The following RALGPS1 variants were observed in gnomAD, a reference collection of about 807,000 sequenced individuals.
The protein encoded by RALGPS1 is ras-specific guanine nucleotide-releasing factor RalGPS1.
RALGPS1 carries 19 observed loss-of-function variants against 78.8 expected under a neutral mutation model. That is an observed-to-expected ratio of 0.24 (90% CI 0.17 to 0.35). The LOEUF (loss-of-function observed/expected upper bound fraction) is 0.35. Among genes scored for constraint, RALGPS1 ranks in the 10% least tolerant of loss-of-function variants. The probability of loss-of-function intolerance (pLI) is 1.00; values close to 1 mark genes in which losing one functional copy is unlikely to be tolerated. For synonymous variants in RALGPS1, 228 were observed against 256.3 expected, an observed-to-expected ratio of 0.89 and a Z score of 1.06; for missense variants, 454 against 688.3, an observed-to-expected ratio of 0.66 and a Z score of 3.81.
At chr9:127,136,682 A>G (rs983125636) in intron 8 of RALGPS1, among the ~76,000 whole-genome samples, 1 of 152,102 alleles carries the variant, frequency 6.6e-6, no homozygotes, top group Non-Finnish European at 1.5e-5. Flanking sequence ...CCACACTTGC[A>G]AGCTCTCCCC....
intron 8 of RALGPS1, among the ~76,000 whole-genome samples, chr9:127,096,778 C>G (rs571491753): frequency 1.3e-5 from 2 of 152,204 alleles, no homozygotes; most frequent in South Asian, 2.1e-4. Flanking sequence ...CCCAAAGTCC[C>G]AGGTTATAAA....
At chr9:126,960,057 G>A (rs2038727353) in intron 1 of RALGPS1, among the ~76,000 whole-genome samples, 1 of 152,164 alleles carries the variant, frequency 6.6e-6, no homozygotes, top group Admixed American at 6.5e-5. Context: ...TTTGAGGGAT[G>A]AGAGAAGAGT....
At chr9:127,103,714 TCTAC>T (rs1331106402) in intron 8 of RALGPS1, among the ~76,000 whole-genome samples, 5 of 152,154 alleles carry the variant, frequency 3.3e-5, no homozygotes, top group Non-Finnish European at 7.3e-5. Context: ...TAATAACAAA[TCTAC>T]CACCTTTGTT....
intron 1 of RALGPS1, among the ~76,000 whole-genome samples, chr9:126,925,490 G>A (rs2035181766): frequency 6.6e-6 from 1 of 151,988 alleles, no homozygotes; most frequent in African/African-American, 2.4e-5. Flanking sequence ...AGAGGTTGCA[G>A]TGAGCTGAGA....
chr9:127,170,157 T>C (rs1456415041), intron 10 of RALGPS1, among the ~76,000 whole-genome samples: 1 of 152,174 alleles, frequency 6.6e-6, no homozygotes, highest in East Asian at 1.9e-4. Flanking sequence ...TAGAGAACTG[T>C]AGCCACAGAG....
chr9:127,221,325 A>G lies in RALGPS1; in HGVS notation c.*2556A>G, dbSNP rs553040469. ...GACTGTCCAGAGTGTACAAATGTTC[A>G]TAACGCCATTGAAGGGATTATTTCT... On this transcript the variant is annotated 3_prime_UTR_variant, in exon 19 of 19. Coordinates refer to ENST00000259351, the MANE Select transcript of RALGPS1 (RefSeq NM_014636.3). 2.6e-5 allele frequency: 4 copies of G among 152,368 alleles called. No individual in the cohort carries two copies. The highest frequency in any genetic ancestry group is 9.6e-5 in the African/African-American group (4 of 41,590). 9.4% of individuals were successfully genotyped at this position (152,368 alleles called of 1,614,324 possible). A position where few individuals can be genotyped will look rare whatever the true frequency, so the allele number is the denominator to read the frequency against.
chr9:127,083,096 C>G (rs2051340660), intron 8 of RALGPS1, among the ~76,000 whole-genome samples: 1 of 152,164 alleles, frequency 6.6e-6, no homozygotes, highest in Non-Finnish European at 1.5e-5. Context: ...AAAATATGGT[C>G]CTGGAGAGGA....
chr9:127,130,655 A>C (rs1235492185), intron 8 of RALGPS1, among the ~76,000 whole-genome samples: 1 of 152,262 alleles, frequency 6.6e-6, no homozygotes, highest in Non-Finnish European at 1.5e-5. Flanking sequence ...ATTGACATCC[A>C]AAAATAATTC....
At chr9:126,986,233 A>T (rs2041788531) in intron 4 of RALGPS1, among the ~76,000 whole-genome samples, 1 of 152,216 alleles carries the variant, frequency 6.6e-6, no homozygotes, top group South Asian at 2.1e-4. Flanking sequence ...GGAAGTTACA[A>T]ATATGGAACC....
At chr9:127,133,816 C>G (rs964735782) in intron 8 of RALGPS1, among the ~76,000 whole-genome samples, 2 of 152,052 alleles carry the variant, frequency 1.3e-5, no homozygotes, top group African/African-American at 4.8e-5. Flanking sequence ...GCTGACACCC[C>G]AGACACTCGG....
At chr9:126,932,412 A>G (rs1468129702) in intron 1 of RALGPS1, among the ~76,000 whole-genome samples, 2 of 152,208 alleles carry the variant, frequency 1.3e-5, no homozygotes, top group Non-Finnish European at 2.9e-5. Context: ...GACAGACACA[A>G]AGAAATACAT....
intron 3 of RALGPS1, 114 bp from the exon 4 acceptor site, chr9:126,977,581 T>A (rs939112475): frequency 1.6e-6 from 1 of 630,950 alleles, no homozygotes; most frequent in Non-Finnish European, 2.5e-6. Context: ...GTCTTGTTTT[T>A]TATCTCAAAG....
chr9:127,121,791 T>C (rs1486706561), intron 8 of RALGPS1, among the ~76,000 whole-genome samples: 2 of 152,084 alleles, frequency 1.3e-5, no homozygotes, highest in Non-Finnish European at 2.9e-5. Context: ...AGCTGGAGGG[T>C]GTGAGCAGAG....
intron 8 of RALGPS1, among the ~76,000 whole-genome samples, chr9:127,162,844 C>T (rs1397679806): frequency 6.6e-6 from 1 of 152,206 alleles, no homozygotes; most frequent in East Asian, 1.9e-4. Context: ...GAAAAGGCAA[C>T]TCCCTCTGTG....
intron 5 of RALGPS1, among the ~76,000 whole-genome samples, chr9:127,049,044 T>G (rs1232470675): frequency 6.6e-6 from 1 of 152,254 alleles, no homozygotes; most frequent in Admixed American, 6.5e-5. Context: ...TTATTAGCTC[T>G]GGAATATCCT....
chr9:127,015,958 T>C (rs1457002797), intron 4 of RALGPS1, among the ~76,000 whole-genome samples: 1 of 152,108 alleles, frequency 6.6e-6, no homozygotes, highest in Non-Finnish European at 1.5e-5. Context: ...CCTCCTTTTT[T>C]CTTTTCTTTC....
At chr9:126,947,150 A>G (rs553496083) in intron 1 of RALGPS1, among the ~76,000 whole-genome samples, 70 of 152,276 alleles carry the variant, frequency 4.6e-4, no homozygotes, top group Admixed American at 2.3e-3. Flanking sequence ...CTAAGAGAGC[A>G]TTGTCTGTGC....
At chr9:127,107,750 C>T (rs2054359259) in intron 8 of RALGPS1, among the ~76,000 whole-genome samples, 1 of 152,220 alleles carries the variant, frequency 6.6e-6, no homozygotes, top group Non-Finnish European at 1.5e-5. Flanking sequence ...CCACCCGTCA[C>T]CCTGCTGGCT....
chr9:126,931,612 A>G (rs963188503), intron 1 of RALGPS1, among the ~76,000 whole-genome samples: 7 of 152,158 alleles, frequency 4.6e-5, no homozygotes, highest in Admixed American at 1.3e-4. Context: ...GCTGGGTCTC[A>G]TGGCAGGGGG....
Sources: gnomAD v4.1 joint callset for allele counts (sites outside exome capture counted in the v4.1 genomes callset) on GRCh38, gnomAD v4.1.1 for gene constraint, MANE v1.5 for transcripts, NCBI Gene and HGNC (gene_info 2026-07-23, HGNC 2026-07-21) for gene names.